Variants in NKAIN2 observed in about 807,000 individuals in gnomAD.
The protein encoded by NKAIN2 is sodium/potassium transporting ATPase interacting 2.
Under a neutral mutation model 32.6 loss-of-function variants are expected in NKAIN2, and 14 were observed. The ratio of observed to expected loss-of-function variants is 0.43; its 90% CI spans 0.28 to 0.67. The LOEUF is 0.67. NKAIN2 is among the 30% of genes least tolerant of loss of function. The pLI, the probability that NKAIN2 is intolerant of heterozygous loss-of-function variation, is 0.17. For synonymous variants in NKAIN2, 80 were observed against 87.2 expected (o/e 0.92, Z 0.46); for missense variants, 198 against 258.3 (o/e 0.77, Z 1.60).
chr6:124,651,866 C>T (rs1295592566), intron 3 of NKAIN2, among the ~76,000 whole-genome samples: 1 of 152,146 alleles, frequency 6.6e-6, no homozygotes, highest in African/African-American at 2.4e-5. Context: ...TTTCTTCTAG[C>T]CATACTGATC....
chr6:124,101,666 A>G lies in NKAIN2; in HGVS notation c.55-181339A>G, dbSNP rs556726412. The stretch of plus-strand genomic sequence containing the variant: ...CAGTTACTTGTGATACACCTAAAGT[A>G]TGTATGAGATGAGAGCGCTTGGAAT... On this transcript the variant is annotated intron_variant, in intron 1 of 6. Transcript: ENST00000368417. Among the ~76,000 whole-genome samples the G allele has an allele frequency of 7.9e-5, 12 of 152,254 alleles. No individual in the cohort carries two copies. In the South Asian group the frequency reaches 1.4e-3, roughly 18 times the overall value.
At chr6:124,707,770 A>T (rs886099145) in intron 4 of NKAIN2, among the ~76,000 whole-genome samples, 4 of 150,918 alleles carry the variant, frequency 2.7e-5, no homozygotes, top group African/African-American at 9.8e-5. Flanking sequence ...GGTTGCAAAA[A>T]TTTTCTCCCA....
chr6:124,471,086 T>C (rs1228346473), intron 3 of NKAIN2, among the ~76,000 whole-genome samples: 1 of 152,152 alleles, frequency 6.6e-6, no homozygotes, highest in African/African-American at 2.4e-5. Flanking sequence ...AAGCCTGATG[T>C]ATTTACTAGT....
chr6:124,530,788 G>C (rs751936025), intron 3 of NKAIN2, among the ~76,000 whole-genome samples: 1 of 152,152 alleles, frequency 6.6e-6, no homozygotes, highest in Non-Finnish European at 1.5e-5. Context: ...GGTAGGGCAG[G>C]TCGCTGTTAT....
chr6:124,681,346 T>C (rs1212342537), intron 4 of NKAIN2, among the ~76,000 whole-genome samples: 2 of 152,060 alleles, frequency 1.3e-5, no homozygotes, highest in African/African-American at 4.8e-5. Context: ...TATCATCTTC[T>C]TTGATATAAA....
At position 123,803,923 on chromosome 6, in the gene NKAIN2, A is replaced by G. The variant is rs2926488; in HGVS notation, c.-278A>G. On this transcript the variant is annotated 5_prime_UTR_variant, in exon 1 of 7. Coordinates refer to ENST00000368417, the MANE Select transcript of NKAIN2 (RefSeq NM_001040214.3). ...GCCGCTGCTGCCCCTGCGGGCCCCG[A>G]GCGCGCCTCCGCAGGCGGCACTGCC... 0.78 allele frequency among the ~76,000 whole-genome samples: 115,492 copies of G among 148,730 alleles called. 45,621 individuals are homozygous for G. The highest frequency in any genetic ancestry group is 0.85 in the Middle Eastern group (247 of 292).
In NKAIN2 at chr6:124,646,061, T is replaced by A. The variant is rs572703973; in HGVS notation, c.274-12125T>A. Among the ~76,000 whole-genome samples the A allele has an allele frequency of 1.6e-3, 245 of 152,336 alleles. 2 individuals carry two copies. The highest frequency in any genetic ancestry group is 3.1e-3 in the African/African-American group (128 of 41,594). On this transcript the variant is annotated intron_variant, in intron 3 of 6. Coordinates refer to ENST00000368417, the MANE Select transcript of NKAIN2 (RefSeq NM_001040214.3). ...GTTGTCCATCTCCTCCATTACAAAA[T>A]AAACATTCATAAGGGGAAGGAATAT...
intron 1 of NKAIN2, among the ~76,000 whole-genome samples, chr6:123,827,816 C>G (rs550992447): frequency 6.8e-6 from 1 of 146,812 alleles, no homozygotes; most frequent in East Asian, 2.8e-4. Flanking sequence ...AGCATTGGCT[C>G]TGTTAAAAAA....
At chr6:123,978,874 A>G (rs541337908) in intron 1 of NKAIN2, among the ~76,000 whole-genome samples, 2 of 152,318 alleles carry the variant, frequency 1.3e-5, no homozygotes, top group Admixed American at 1.3e-4. Context: ...TACCTTCTTA[A>G]TCAAAGGTGA....
At position 124,705,973 on chromosome 6, in the gene NKAIN2, A is replaced by G. The variant is rs754534429; in HGVS notation, c.474+47587A>G. Among the ~76,000 whole-genome samples, 29 of 152,116 alleles carry G rather than the reference A, an allele frequency of 1.9e-4. 1 individual carries two copies. The highest frequency in any genetic ancestry group is 3.8e-4 in the Non-Finnish European group (26 of 68,010). Reference sequence around the variant, plus strand: ...TCCTCCACACATACTGTTGGTGACCATTATGTTTTTTGAGAGATTGATAAT... The same window carrying G: ...TCCTCCACACATACTGTTGGTGACCGTTATGTTTTTTGAGAGATTGATAAT... On this transcript the variant is annotated intron_variant, in intron 4 of 6. Transcript: ENST00000368417.
intron 1 of NKAIN2, among the ~76,000 whole-genome samples, chr6:124,015,369 C>T (rs1780519094): frequency 6.6e-6 from 1 of 152,086 alleles, no homozygotes; most frequent in African/African-American, 2.4e-5. Flanking sequence ...GCAGTAAACT[C>T]CTCTTTTCCT....
chr6:124,608,382 T>C (rs1222772166), intron 3 of NKAIN2, among the ~76,000 whole-genome samples: 1 of 152,158 alleles, frequency 6.6e-6, no homozygotes, highest in African/African-American at 2.4e-5. Context: ...ATCATCCCCT[T>C]CAACAAGATA....
At chr6:124,547,894 C>T (rs1233028365) in intron 3 of NKAIN2, among the ~76,000 whole-genome samples, 1 of 152,122 alleles carries the variant, frequency 6.6e-6, no homozygotes, top group Non-Finnish European at 1.5e-5. Flanking sequence ...CCCCCCACCA[C>T]CCTACACACA....
intron 2 of NKAIN2, among the ~76,000 whole-genome samples, chr6:124,287,360 G>A (rs1481335247): frequency 2.0e-5 from 3 of 152,112 alleles, no homozygotes; most frequent in Admixed American, 2.0e-4. Flanking sequence ...AAAGTATGTG[G>A]ACATTCTTCA....
chr6:124,695,731 G>A (rs1006902666), intron 4 of NKAIN2, among the ~76,000 whole-genome samples: 10 of 152,022 alleles, frequency 6.6e-5, no homozygotes, highest in African/African-American at 2.2e-4. Flanking sequence ...ATGCAAACTC[G>A]GCTAAAGTAG....
chr6:124,223,529 T>C (rs1791945673), intron 1 of NKAIN2, among the ~76,000 whole-genome samples: 1 of 152,156 alleles, frequency 6.6e-6, no homozygotes, highest in Admixed American at 6.5e-5. Flanking sequence ...GACACTGCTA[T>C]TGTAGAGGCA....
chr6:123,940,130 T>C (rs1305267049), intron 1 of NKAIN2, among the ~76,000 whole-genome samples: 1 of 151,902 alleles, frequency 6.6e-6, no homozygotes, highest in Non-Finnish European at 1.5e-5. Context: ...TGTGGAACAC[T>C]GTTGGCTGAG....
chr6:124,343,160 C>G (rs1195050819), intron 2 of NKAIN2, among the ~76,000 whole-genome samples: 1 of 152,046 alleles, frequency 6.6e-6, no homozygotes, highest in Non-Finnish European at 1.5e-5. Context: ...AGGACATGAA[C>G]TCATCATTTT....
At chr6:124,206,976 G>C (rs1322829483) in intron 1 of NKAIN2, among the ~76,000 whole-genome samples, 1 of 151,602 alleles carries the variant, frequency 6.6e-6, no homozygotes, top group Non-Finnish European at 1.5e-5. Flanking sequence ...ACAAACAATG[G>C]ATTGGTCAAC....
Sources: gnomAD v4.1 joint callset for allele counts (sites outside exome capture counted in the v4.1 genomes callset) on GRCh38, gnomAD v4.1.1 for gene constraint, MANE v1.5 for transcripts, NCBI Gene and HGNC (gene_info 2026-07-23, HGNC 2026-07-21) for gene names.